PTPRK: variants seen among roughly 807,000 people sequenced by gnomAD.
PTPRK encodes the protein receptor-type tyrosine-protein phosphatase kappa.
In PTPRK, 75 loss-of-function variants were observed where a neutral mutation model predicts 178.0. That is an observed-to-expected ratio of 0.42 (90% CI 0.35 to 0.51). The LOEUF is 0.51. Ranked by LOEUF, PTPRK falls within the 20% of genes least tolerant of loss-of-function variation. The probability of loss-of-function intolerance (pLI) is 0.02; values close to 1 mark genes in which losing one functional copy is unlikely to be tolerated. For synonymous variants in PTPRK, 637 were observed against 620.6 expected (o/e 1.03, Z -0.39); for missense variants, 1,441 against 1,797.8 (o/e 0.80, Z 3.59).
intron 18 of PTPRK, 134 bp from the exon 19 acceptor site, chr6:127,992,843 C>T: frequency 3.3e-6 from 2 of 611,598 alleles, no homozygotes; most frequent in East Asian, 3.0e-5. Context: ...GTAGTGAACA[C>T]ATAGTTCACT....
intron 2 of PTPRK, among the ~76,000 whole-genome samples, chr6:128,368,119 T>A (rs1835775395): frequency 6.6e-6 from 1 of 151,974 alleles, no homozygotes; most frequent in Non-Finnish European, 1.5e-5. Context: ...TGTCAGAAAA[T>A]TAACAGGTCC....
At chr6:128,465,064 A>G (rs1255998030) in intron 1 of PTPRK, among the ~76,000 whole-genome samples, 2 of 151,810 alleles carry the variant, frequency 1.3e-5, no homozygotes, top group Non-Finnish European at 2.9e-5. Flanking sequence ...ACAATAAAGC[A>G]GTCAAATAAA....
chr6:128,298,698 T>A (rs1435629107), intron 3 of PTPRK, among the ~76,000 whole-genome samples: 1 of 152,018 alleles, frequency 6.6e-6, no homozygotes, highest in Non-Finnish European at 1.5e-5. Flanking sequence ...CTCAATAAAT[T>A]AGGTATTGAT....
Position 128,520,301 on chromosome 6 carries a change from G to A in PTPRK, c.58C>T (p.Pro20Ser), listed in dbSNP as rs550181213. 41 of 1,610,180 alleles carry A rather than the reference G, an allele frequency of 2.5e-5. No homozygotes were observed. In the African/African-American group the frequency reaches 4.0e-4, roughly 16 times the overall value. ...TGGGCCGATCCCAGGAGAGGCCAAG[G>A]AGAGAGGAGCAAGAGCGCCACAAAA... ...PAFVALLLLS[P>S]WPLLGSAQGQ... Residue 20 changes from proline to serine, a missense_variant, in exon 1 of 30, where the codon CCT (proline) becomes TCT (serine). Pro to Ser is a moderately conservative substitution (Grantham distance 74). This residue lies in a region of PTPRK where 158 missense variants were observed against 188.0 expected (regional missense o/e 0.84). Transcript: ENST00000368226.
chr6:128,412,908 C>T (rs1471467321), intron 1 of PTPRK, among the ~76,000 whole-genome samples: 5 of 152,174 alleles, frequency 3.3e-5, no homozygotes, highest in African/African-American at 1.2e-4. Context: ...AGCTGTGACT[C>T]AGCTGTCTAC....
intron 3 of PTPRK, among the ~76,000 whole-genome samples, chr6:128,291,367 A>G (rs940198504): frequency 3.3e-5 from 5 of 152,134 alleles, no homozygotes; most frequent in African/African-American, 1.2e-4. Flanking sequence ...TTTTAGACCA[A>G]TGAGACCCAT....
chr6:128,001,391 T>G (rs1777811863), intron 15 of PTPRK, among the ~76,000 whole-genome samples: 2 of 152,048 alleles, frequency 1.3e-5, no homozygotes, highest in Non-Finnish European at 2.9e-5. Context: ...CTAAGAATGA[T>G]GAAAAATACA....
chr6:128,033,072 G>A (rs866156268), intron 13 of PTPRK, among the ~76,000 whole-genome samples: 1 of 152,152 alleles, frequency 6.6e-6, no homozygotes, highest in South Asian at 2.1e-4. Context: ...GGGCTCTTTG[G>A]GAAGTTGGTA....
intron 2 of PTPRK, among the ~76,000 whole-genome samples, chr6:128,356,940 A>C (rs145559192): frequency 1.3e-5 from 2 of 152,334 alleles, no homozygotes; most frequent in African/African-American, 4.8e-5. Context: ...AATTGTATCA[A>C]TGCTGTTTCA....
At chr6:128,047,366 T>C (rs1421258579) in intron 13 of PTPRK, among the ~76,000 whole-genome samples, 2 of 152,108 alleles carry the variant, frequency 1.3e-5, no homozygotes, top group African/African-American at 4.8e-5. Flanking sequence ...ACATACAAAA[T>C]GAAGAGGTAA....
intron 7 of PTPRK, among the ~76,000 whole-genome samples, chr6:128,131,500 C>T (rs1794237612): frequency 6.6e-6 from 1 of 152,114 alleles, no homozygotes; most frequent in African/African-American, 2.4e-5. Context: ...AACTACTTTT[C>T]AACAGTAAAA....
intron 7 of PTPRK, among the ~76,000 whole-genome samples, chr6:128,141,283 G>C (rs1795728561): frequency 6.6e-6 from 1 of 151,672 alleles, no homozygotes; most frequent in Non-Finnish European, 1.5e-5. Flanking sequence ...GAACAGTCTT[G>C]ACCAAGAAAC....
At chr6:128,280,526 C>A (rs896369148) in intron 3 of PTPRK, among the ~76,000 whole-genome samples, 2 of 152,096 alleles carry the variant, frequency 1.3e-5, no homozygotes, top group African/African-American at 4.8e-5. Context: ...AACAATACAG[C>A]CCATTGGCCA....
rs145806428 is a variant in PTPRK, at chr6:128,235,224, T to C, written c.693+4811A>G. On this transcript the variant is annotated intron_variant, in intron 5 of 29. Coordinates refer to ENST00000368226, the MANE Select transcript of PTPRK (RefSeq NM_002844.4). ...ACATGCAAATATTGAAATATTTGAA[T>C]ATTTTTTAAAAGTTTTGAATTTTAA... is the stretch of plus-strand genomic sequence containing the variant. 6.3e-4 allele frequency among the ~76,000 whole-genome samples: 96 copies of C among 152,290 alleles called. 1 individual carries two copies. In the East Asian group the frequency reaches 0.017, roughly 27 times the overall value.
At chr6:128,035,163 T>A (rs1438134995) in intron 13 of PTPRK, among the ~76,000 whole-genome samples, 2 of 152,088 alleles carry the variant, frequency 1.3e-5, no homozygotes, top group Admixed American at 1.3e-4. Flanking sequence ...GGTCAGGAGT[T>A]CAAGACCAGC....
chr6:128,496,903 T>C (rs1429108612), intron 1 of PTPRK, among the ~76,000 whole-genome samples: 1 of 152,200 alleles, frequency 6.6e-6, no homozygotes, highest in Non-Finnish European at 1.5e-5. Flanking sequence ...TTACTCAAAA[T>C]ATAATTGTGC....
At chr6:128,441,428 T>C (rs1279343690) in intron 1 of PTPRK, among the ~76,000 whole-genome samples, 1 of 152,058 alleles carries the variant, frequency 6.6e-6, no homozygotes, top group Non-Finnish European at 1.5e-5. Flanking sequence ...TCTAAAGGTC[T>C]TTGAAGTGCT....
chr6:128,236,262 T>C (rs1274413505), intron 5 of PTPRK, among the ~76,000 whole-genome samples: 2 of 151,220 alleles, frequency 1.3e-5, no homozygotes, highest in African/African-American at 4.9e-5. Flanking sequence ...ATATCCAGAA[T>C]ACATGCTACT....
chr6:128,263,531 T>C (rs1316853928), intron 3 of PTPRK, among the ~76,000 whole-genome samples: 3 of 152,106 alleles, frequency 2.0e-5, no homozygotes, highest in Non-Finnish European at 2.9e-5. Context: ...TTATCTACCA[T>C]AAAAATACAG....
Sources: gnomAD v4.1 joint callset for allele counts (sites outside exome capture counted in the v4.1 genomes callset) on GRCh38, gnomAD v4.1.1 for gene constraint, gnomAD v4.1.1 regional missense constraint, MANE v1.5 for transcripts, NCBI Gene and HGNC (gene_info 2026-07-23, HGNC 2026-07-21) for gene names.